Variants in ITIH6 observed in about 807,000 individuals in gnomAD.
ITIH6 encodes the protein inter-alpha-trypsin inhibitor heavy chain family member 6, also known as inter-alpha-trypsin inhibitor heavy chain H6.
ITIH6 carries 60 observed loss-of-function variants against 58.2 expected under a neutral mutation model. The ratio of observed to expected loss-of-function variants is 1.03; its 90% CI spans 0.84 to 1.28. The LOEUF (loss-of-function observed/expected upper bound fraction) is 1.28, where lower values mean the gene tolerates loss of function less well. Among genes scored for constraint, ITIH6 ranks in the 50% most tolerant of loss-of-function variants. ITIH6 has a pLI of 0.00. For synonymous variants in ITIH6, 493 were observed against 417.4 expected (o/e 1.18, Z -2.21); for missense variants, 1,290 against 1,021.1 (o/e 1.26, Z -3.59).
At chrX:54,777,823 T>A (rs1386776417) in intron 5 of ITIH6, among the ~76,000 whole-genome samples, 1 of 112,276 alleles carries the variant, frequency 8.9e-6, no homozygotes, top group Non-Finnish European at 1.9e-5. Flanking sequence ...GGAAAGTCTT[T>A]CCAAGAAGGA....
At position 54,757,749 on chromosome X, in the gene ITIH6, A is replaced by T. The variant is rs763133226; in HGVS notation, c.2325T>A (p.Thr775=). ...AATGCAGTGGAGTAACACATTTCAC[A>T]GTGTCAGCTTTGGGCGAGGCTGGGA... ...PGIPASPKAD[T]VKCVTPLHSK... Residue 775 remains threonine (T), a synonymous_variant, in exon 8 of 13, where the codon ACT becomes ACA. Coordinates refer to ENST00000218436, the MANE Select transcript of ITIH6 (RefSeq NM_198510.3). 1.8e-5 allele frequency: 22 copies of T among 1,209,756 alleles called. No homozygotes were observed. The African/African-American group carries it at 1.9e-4, about 11-fold the overall frequency.
In ITIH6 at chrX:54,797,072, G is replaced by A. The variant is rs1379958504; in HGVS notation, c.127C>T (p.Arg43Cys). 1.7e-5 allele frequency: 21 copies of A among 1,207,068 alleles called. No individual in the cohort carries two copies. Among genetic ancestry groups the A allele is most frequent in the South Asian group, 8.9e-5 (5 of 56,329 alleles). ...GCATAGCGAGACACCACCGTGGAGCGCATAGAATAGCTTGTCATTAACAAC... is the reference window on the plus strand; with the variant it reads ...GCATAGCGAGACACCACCGTGGAGCACATAGAATAGCTTGTCATTAACAAC... Reference protein sequence around the residue: ...TKLLMTSYSMRSTVVSRYAHT... With the variant: ...TKLLMTSYSMCSTVVSRYAHT... The change falls in exon 2 of 13, where the codon CGC becomes TGC. Residue 43 changes from arginine to cysteine, a missense_variant. By Grantham distance (180) the Arg-to-Cys change is radical (BLOSUM62 -3). Coordinates refer to ENST00000218436, the MANE Select transcript of ITIH6 (RefSeq NM_198510.3).
chrX:54,774,856 G>A (rs1045702234), intron 5 of ITIH6, among the ~76,000 whole-genome samples: 2 of 112,008 alleles, frequency 1.8e-5, no homozygotes, highest in African/African-American at 6.5e-5. Flanking sequence ...CTGAGGGAAG[G>A]GGAGGGGAGG....
intron 1 of ITIH6, among the ~76,000 whole-genome samples, chrX:54,797,675 G>A (rs1163039285): frequency 1.8e-5 from 2 of 111,398 alleles, no homozygotes; most frequent in Non-Finnish European, 3.8e-5. Flanking sequence ...CATGATGAGG[G>A]CACACAGCAA....
chrX:54,754,981 C>T, intron 9 of ITIH6, 36 bp downstream of exon 9: 1 of 1,044,497 alleles, frequency 9.6e-7, no homozygotes, highest in Non-Finnish European at 1.3e-6. Context: ...GAAATGAAGG[C>T]CCAGGGGATC....
chrX:54,781,708 T>C (rs765158575), intron 5 of ITIH6, among the ~76,000 whole-genome samples: 1 of 112,378 alleles, frequency 8.9e-6, no homozygotes, highest in Admixed American at 9.4e-5. Flanking sequence ...GAAATAGCAT[T>C]TGACCCAGCA....
At chrX:54,791,528 A>G (rs1929348551) in intron 3 of ITIH6, among the ~76,000 whole-genome samples, 1 of 110,952 alleles carries the variant, frequency 9.0e-6, no homozygotes, top group Non-Finnish European at 1.9e-5. Flanking sequence ...AGCCAAAGCT[A>G]AAGTGTTTGC....
intron 6 of ITIH6, among the ~76,000 whole-genome samples, chrX:54,762,011 C>G (rs1266357457): frequency 3.6e-5 from 4 of 111,771 alleles, no homozygotes; most frequent in Non-Finnish European, 7.5e-5. Context: ...GGCATTGAAT[C>G]TGTAAATTAC....
intron 3 of ITIH6, 83 bp from the exon 4 acceptor site, chrX:54,791,167 C>G: frequency 9.7e-7 from 1 of 1,026,690 alleles, no homozygotes; most frequent in Non-Finnish European, 1.3e-6. Context: ...AGTTTTGCTC[C>G]CCCCAACCCT....
intron 5 of ITIH6, 44 bp from the exon 6 acceptor site, chrX:54,774,241 G>C (rs765904210): frequency 1.4e-6 from 1 of 736,049 alleles, no homozygotes; most frequent in Admixed American, 3.3e-5. Context: ...AAGAAGAACA[G>C]TGAAAGCCAA....
At chrX:54,759,289 G>T (rs41304784) in intron 7 of ITIH6, among the ~76,000 whole-genome samples, 8 of 110,394 alleles carry the variant, frequency 7.2e-5, no homozygotes, top group Non-Finnish European at 1.5e-4. Context: ...AGCCAGACTG[G>T]CAGGCTCCCA....
At chrX:54,769,460 T>G (rs1928890304) in intron 6 of ITIH6, among the ~76,000 whole-genome samples, 1 of 106,456 alleles carries the variant, frequency 9.4e-6, no homozygotes, top group Non-Finnish European at 1.9e-5. Context: ...GCACTCTGCG[T>G]TTTAGAATTT....
chrX:54,793,755 G>C (rs1415884849), intron 2 of ITIH6, among the ~76,000 whole-genome samples: 2 of 111,413 alleles, frequency 1.8e-5, no homozygotes, highest in African/African-American at 3.3e-5. Context: ...GCAGGGAAGG[G>C]AGGTATGGAG....
chrX:54,776,742 C>T (rs1339319303), intron 5 of ITIH6, among the ~76,000 whole-genome samples: 5 of 111,175 alleles, frequency 4.5e-5, no homozygotes, highest in Non-Finnish European at 9.4e-5. Flanking sequence ...GTTCTTGCTG[C>T]ATTCTTCACC....
intron 5 of ITIH6, among the ~76,000 whole-genome samples, chrX:54,783,710 T>G (rs551205473): frequency 3.6e-5 from 4 of 112,144 alleles, no homozygotes; most frequent in Non-Finnish European, 7.5e-5. Context: ...TGGAAAGATA[T>G]TCCATGTTCA....
intron 6 of ITIH6, among the ~76,000 whole-genome samples, chrX:54,762,414 C>G (rs1928667448): frequency 8.9e-6 from 1 of 111,816 alleles, no homozygotes; most frequent in South Asian, 3.8e-4. Context: ...AGCTGCCTTT[C>G]AATGACTTTG....
chrX:54,768,828 A>G (rs1316298821), intron 6 of ITIH6, among the ~76,000 whole-genome samples: 1 of 104,598 alleles, frequency 9.6e-6, no homozygotes, highest in Non-Finnish European at 1.9e-5. Flanking sequence ...CCTTCATTTC[A>G]ACTTTGGTGA....
intron 6 of ITIH6, among the ~76,000 whole-genome samples, chrX:54,761,785 C>T (rs1192201019): frequency 1.8e-5 from 2 of 111,299 alleles, no homozygotes; most frequent in African/African-American, 6.6e-5. Context: ...CTGTTCTGTT[C>T]CATTGGTCTA....
chrX:54,790,406 G>A (rs1929321254), intron 4 of ITIH6, among the ~76,000 whole-genome samples: 1 of 112,178 alleles, frequency 8.9e-6, no homozygotes, highest in Admixed American at 9.4e-5. Context: ...TCCCTCCAGG[G>A]CCTGAGATGG....
Sources: allele counts gnomAD v4.1 joint callset (sites outside exome capture counted in the v4.1 genomes callset), GRCh38; gene constraint gnomAD v4.1.1; transcripts MANE v1.5; gene names NCBI Gene and HGNC (gene_info 2026-07-23, HGNC 2026-07-21).